ITPK1: variants seen among roughly 807,000 people sequenced by gnomAD.
The protein encoded by ITPK1 is inositol-tetrakisphosphate 1-kinase, also known as inositol 1,3,4-trisphosphate 5/6-kinase.
In ITPK1, 21 loss-of-function variants were observed where a neutral mutation model predicts 45.3. That is an observed-to-expected ratio of 0.46 (90% CI 0.33 to 0.67). The LOEUF is 0.67. ITPK1 is among the 30% of genes least tolerant of loss of function. The pLI, the probability that ITPK1 is intolerant of heterozygous loss-of-function variation, is 0.02. For missense variants in ITPK1, 474 were observed against 573.5 expected (o/e 0.83, Z 1.77); for synonymous variants, 258 against 253.6 (o/e 1.02, Z -0.16).
chr14:93,015,739 C>T (rs906730443), intron 4 of ITPK1, among the ~76,000 whole-genome samples: 8 of 152,210 alleles, frequency 5.3e-5, no homozygotes, highest in African/African-American at 1.9e-4. Flanking sequence ...GGGAGTTGGC[C>T]AAGGAACGGG....
chr14:93,072,615 CT>C (rs111822420), intron 3 of ITPK1, among the ~76,000 whole-genome samples: 30,044 of 139,076 alleles, frequency 0.22, 3,170 homozygotes, highest in African/African-American at 0.29. Flanking sequence ...AAATATTATT[CT>C]TTTTTTTTTT....
At chr14:93,069,930 C>G (rs1566768496) in intron 3 of ITPK1, 1 of 152,222 alleles carries the variant, frequency 6.6e-6, no homozygotes, top group Non-Finnish European at 1.5e-5. Context: ...ATTCGCAAGC[C>G]GGGAGAACTT....
intron 2 of ITPK1, among the ~76,000 whole-genome samples, chr14:93,088,336 G>GTTTTTTTTTTTTTTTTT (rs764902793): frequency 7.9e-6 from 1 of 126,632 alleles, no homozygotes. Flanking sequence ...TTTTGGTTTT[G>GTTTTTTTTTTTTTTTTT]TTTTGTTTTT....
intron 2 of ITPK1, among the ~76,000 whole-genome samples, chr14:93,087,897 G>A (rs918771311): frequency 2.0e-5 from 3 of 152,322 alleles, no homozygotes; most frequent in Middle Eastern, 3.4e-3. Flanking sequence ...TGGGAATGGC[G>A]GGAAAGAAGC....
chr14:93,065,059 G>T (rs1200068650), intron 3 of ITPK1, among the ~76,000 whole-genome samples: 1 of 152,070 alleles, frequency 6.6e-6, no homozygotes, highest in East Asian at 1.9e-4. Flanking sequence ...GGCTAGACCT[G>T]GGGAGATCCA....
intron 2 of ITPK1, among the ~76,000 whole-genome samples, chr14:93,085,009 C>T (rs574761133): frequency 4.6e-5 from 7 of 152,358 alleles, no homozygotes; most frequent in African/African-American, 1.7e-4. Flanking sequence ...CCCCTGCAGA[C>T]CCTGGGCCTG....
At chr14:93,004,928 C>T (rs1887537280) in intron 4 of ITPK1, among the ~76,000 whole-genome samples, 1 of 151,968 alleles carries the variant, frequency 6.6e-6, no homozygotes, top group African/African-American at 2.4e-5. Flanking sequence ...GGGAGTCCAG[C>T]ACATTCACGG....
rs77482898 is a variant in ITPK1 at position 92,989,532 on chromosome 14, G to A, written c.364+4348C>T. Among the ~76,000 whole-genome samples the A allele has an allele frequency of 7.2e-5, 11 of 152,142 alleles. No individual in the cohort carries two copies. In the East Asian group the frequency reaches 7.7e-4, roughly 11 times the overall value. The stretch of plus-strand genomic sequence containing the variant: ...GCCAGTTTGGGAGCCAGCTAGAGCC[G>A]TGCCCAGAATCGCTCACCCTAGGGT... On this transcript the variant is annotated intron_variant, in intron 5 of 10. Coordinates refer to ENST00000267615, the MANE Select transcript of ITPK1 (RefSeq NM_014216.6).
At chr14:93,088,181 A>G (rs905124543) in intron 2 of ITPK1, among the ~76,000 whole-genome samples, 2 of 152,046 alleles carry the variant, frequency 1.3e-5, no homozygotes, top group Non-Finnish European at 2.9e-5. Context: ...CTCGTTCCCC[A>G]CCCAGGCCTG....
At chr14:93,045,926 C>T (rs11847390) in intron 3 of ITPK1, among the ~76,000 whole-genome samples, 8,114 of 152,258 alleles carry the variant, frequency 0.053, 486 homozygotes, top group African/African-American at 0.15. Context: ...TGAGGACCCA[C>T]GTTGCCTCCG....
rs938715856 is a variant in ITPK1 at position 92,940,131 on chromosome 14, G to A, written c.*1430C>T. The A allele has an allele frequency of 1.5e-5, 15 of 985,644 alleles. No homozygotes were observed. The highest frequency in any genetic ancestry group is 1.4e-4 in the South Asian group (3 of 21,286). The allele number at this position is 985,644 out of a possible 1,614,324, so 61.1% of individuals were successfully genotyped here. A position where few individuals can be genotyped will look rare whatever the true frequency, so the allele number is the denominator to read the frequency against. ...TCCTGCAGCCCAGCTGAGCCAGGCCGAAGGACCTCCATGCACTGGCTCGGG... is the reference window on the plus strand; with the variant it reads ...TCCTGCAGCCCAGCTGAGCCAGGCCAAAGGACCTCCATGCACTGGCTCGGG... On this transcript the variant is annotated 3_prime_UTR_variant, in exon 11 of 11. Coordinates refer to ENST00000267615, the MANE Select transcript of ITPK1 (RefSeq NM_014216.6).
intron 5 of ITPK1, among the ~76,000 whole-genome samples, chr14:92,967,294 C>T (rs113905100): frequency 0.025 from 3,770 of 152,176 alleles, 169 homozygotes; most frequent in African/African-American, 0.087. Context: ...GTTCTCAAAA[C>T]AAGACATATA....
chr14:93,044,826 C>T (rs960530007), intron 3 of ITPK1, among the ~76,000 whole-genome samples: 6 of 152,192 alleles, frequency 3.9e-5, no homozygotes, highest in African/African-American at 1.4e-4. Flanking sequence ...AAACCCGACA[C>T]CGTGACGGAC....
chr14:92,973,430 C>G (rs1208535754), intron 5 of ITPK1, among the ~76,000 whole-genome samples: 1 of 152,250 alleles, frequency 6.6e-6, no homozygotes, highest in Admixed American at 6.5e-5. Context: ...CGCTGTGGGT[C>G]TGGAACAGCC....
At chr14:93,084,632 G>C (rs1891577732) in intron 2 of ITPK1, among the ~76,000 whole-genome samples, 1 of 152,170 alleles carries the variant, frequency 6.6e-6, no homozygotes, top group African/African-American at 2.4e-5. Flanking sequence ...CACTCTTTCA[G>C]GGACACAGCT....
intron 2 of ITPK1, among the ~76,000 whole-genome samples, chr14:93,091,173 A>G (rs1172101597): frequency 6.6e-6 from 1 of 152,206 alleles, no homozygotes; most frequent in Non-Finnish European, 1.5e-5. Flanking sequence ...ATGAAGAGAA[A>G]AAGTTCTTTA....
intron 3 of ITPK1, among the ~76,000 whole-genome samples, chr14:93,019,892 T>A (rs1349892878): frequency 6.6e-6 from 1 of 152,174 alleles, no homozygotes; most frequent in Non-Finnish European, 1.5e-5. Context: ...TCATTCTGCT[T>A]TTCTGACCAC....
intron 2 of ITPK1, among the ~76,000 whole-genome samples, chr14:93,091,447 C>T (rs2140006664): frequency 6.6e-6 from 1 of 152,334 alleles, no homozygotes; most frequent in South Asian, 2.1e-4. Context: ...CAAGAAGGCA[C>T]CAGGCACATC....
chr14:93,075,183 T>C (rs1891167031), intron 3 of ITPK1, among the ~76,000 whole-genome samples: 1 of 151,582 alleles, frequency 6.6e-6, no homozygotes, highest in Non-Finnish European at 1.5e-5. Context: ...AAAAACCAGC[T>C]GGGTGTGGTG....
Sources: allele counts gnomAD v4.1 joint callset (sites outside exome capture counted in the v4.1 genomes callset), GRCh38; gene constraint gnomAD v4.1.1; transcripts MANE v1.5; gene names NCBI Gene and HGNC (gene_info 2026-07-23, HGNC 2026-07-21).